CELF2: variants seen among roughly 807,000 people sequenced by gnomAD.
CELF2 encodes CUGBP Elav-like family member 2.
CELF2 carries 8 observed loss-of-function variants against 62.6 expected under a neutral mutation model. The observed-to-expected ratio is 0.13, with a 90% CI of 0.07 to 0.23. The LOEUF (loss-of-function observed/expected upper bound fraction) is 0.23. CELF2 is among the 10% of genes least tolerant of loss of function. The pLI is 1.00. For synonymous variants in CELF2, 258 were observed against 250.0 expected, an observed-to-expected ratio of 1.03 and a Z score of -0.30; for missense variants, 333 against 671.0, an observed-to-expected ratio of 0.50 and a Z score of 5.56.
chr10:10,825,403 G>T (rs540942311), intron 1 of CELF2, among the ~76,000 whole-genome samples: 2 of 151,962 alleles, frequency 1.3e-5, no homozygotes, highest in Non-Finnish European at 2.9e-5. Context: ...GTAGAGACGG[G>T]GTTTCACTGT....
chr10:11,125,325 G>A (rs898615347), intron 1 of CELF2, among the ~76,000 whole-genome samples: 1 of 152,022 alleles, frequency 6.6e-6, no homozygotes, highest in African/African-American at 2.4e-5. Context: ...CTAAACTTTT[G>A]AGAGCTAGGA....
At chr10:11,271,496 T>C (rs1011890168) in intron 7 of CELF2, among the ~76,000 whole-genome samples, 3 of 152,176 alleles carry the variant, frequency 2.0e-5, no homozygotes, top group African/African-American at 7.2e-5. Context: ...CTTGAGGGCA[T>C]CTGAATGGAG....
At position 10,939,194 on chromosome 10, in the gene CELF2, A is replaced by G. The variant is rs1274517167; in HGVS notation, c.89+19195A>G. ...ACCTAGGCTGTAGTGCTTGATAATT[A>G]GCAAGTTATCAGTGTGGCCGCTATT... On this transcript the variant is annotated intron_variant, in intron 2 of 13. Transcript: ENST00000636488. Among the ~76,000 whole-genome samples, 3 of 78,152 alleles carry G rather than the reference A, an allele frequency of 3.8e-5. 1 individual carries two copies. The allele number at this position is 78,152 out of a possible 152,430, so 51.3% of individuals were successfully genotyped here. A position where few individuals can be genotyped will look rare whatever the true frequency, so the allele number is the denominator to read the frequency against.
chr10:10,480,252 C>T, the CELF2 span, among the ~76,000 whole-genome samples: 1 of 152,166 alleles, frequency 6.6e-6, no homozygotes, highest in Non-Finnish European at 1.5e-5. Context: ...TCCAACAGGC[C>T]TCTGAGTCAT....
the CELF2 span, among the ~76,000 whole-genome samples, chr10:10,531,261 A>AT: frequency 6.6e-6 from 1 of 152,220 alleles, no homozygotes; most frequent in Admixed American, 6.5e-5. Flanking sequence ...AAGTTCAGAC[A>AT]TTTTTTAAGA....
intron 1 of CELF2, among the ~76,000 whole-genome samples, chr10:10,897,175 A>C (rs1215542902): frequency 6.6e-6 from 1 of 152,204 alleles, no homozygotes; most frequent in Non-Finnish European, 1.5e-5. Context: ...AGCATCTATC[A>C]TTTTAGAGAA....
the CELF2 span, among the ~76,000 whole-genome samples, chr10:10,663,941 T>C: frequency 6.6e-6 from 1 of 152,190 alleles, no homozygotes; most frequent in Non-Finnish European, 1.5e-5. Flanking sequence ...GAAAGAGAAA[T>C]TGACTTTGAA....
chr10:10,586,924 A>C, the CELF2 span, among the ~76,000 whole-genome samples: 3 of 152,178 alleles, frequency 2.0e-5, no homozygotes, highest in African/African-American at 7.2e-5. Flanking sequence ...CCTGCTCTGA[A>C]TGTCTAAGAC....
At chr10:10,467,560 C>T in the CELF2 span, among the ~76,000 whole-genome samples, 1 of 152,002 alleles carries the variant, frequency 6.6e-6, no homozygotes, top group African/African-American at 2.4e-5. Flanking sequence ...TCTAAGTTCT[C>T]ATTTTGATAT....
At chr10:10,624,874 CAAAG>C in the CELF2 span, among the ~76,000 whole-genome samples, 1 of 152,188 alleles carries the variant, frequency 6.6e-6, no homozygotes, top group African/African-American at 2.4e-5. Flanking sequence ...CACAGGGACA[CAAAG>C]AGGCAGATGG....
At chr10:11,047,044 G>A (rs1036269379) in intron 1 of CELF2, among the ~76,000 whole-genome samples, 8 of 152,166 alleles carry the variant, frequency 5.3e-5, no homozygotes, top group Middle Eastern at 3.4e-3. Context: ...TTGGAGGGGC[G>A]GGGGAGGTTG....
intron 1 of CELF2, among the ~76,000 whole-genome samples, chr10:11,049,035 G>C (rs2063380587): frequency 6.6e-6 from 1 of 151,650 alleles, no homozygotes; most frequent in Non-Finnish European, 1.5e-5. Flanking sequence ...GGGATCTTGG[G>C]TGTAACCTAT....
the CELF2 span, among the ~76,000 whole-genome samples, chr10:10,580,170 G>T: frequency 3.9e-5 from 6 of 152,224 alleles, no homozygotes; most frequent in Middle Eastern, 3.4e-3. Context: ...AGTTGGAAAG[G>T]TCAAGCCATT....
rs190773372 is a variant in CELF2, at chr10:10,862,925, C to A, written c.54-57039C>A. 2.6e-5 allele frequency among the ~76,000 whole-genome samples: 4 copies of A among 152,244 alleles called. No homozygotes were observed. The East Asian group carries it at 7.7e-4, about 29-fold the overall frequency. ...CTCTGTGTGGGAATAGGAATAAGGG[C>A]AGAGTAAGTGGCAACATGGAGCAAA... On this transcript the variant is annotated intron_variant, in intron 1 of 13. Transcript: ENST00000636488.
intron 1 of CELF2, among the ~76,000 whole-genome samples, chr10:10,817,187 G>T (rs1230889728): frequency 2.0e-5 from 3 of 152,046 alleles, no homozygotes; most frequent in Admixed American, 1.3e-4. Context: ...TAACATGAGG[G>T]TTTTTTTCCT....
the CELF2 span, among the ~76,000 whole-genome samples, chr10:10,706,674 A>G: frequency 6.6e-6 from 1 of 152,236 alleles, no homozygotes; most frequent in African/African-American, 2.4e-5. Context: ...TGAGCATCAT[A>G]TGGTATTAGA....
intron 2 of CELF2, among the ~76,000 whole-genome samples, chr10:10,945,848 G>T (rs1457776973): frequency 6.6e-6 from 1 of 152,186 alleles, no homozygotes; most frequent in African/African-American, 2.4e-5. Flanking sequence ...CAAATTTCTG[G>T]CTGGGTTATT....
At chr10:10,798,397 A>T (rs188496083), upstream of CELF2, 132 of 195,962 alleles carry the variant, frequency 6.7e-4, 2 homozygotes, top group Non-Finnish European at 1.7e-4. Context: ...GGTAAAGTCC[A>T]GAGGCTTCAG....
intron 1 of CELF2, among the ~76,000 whole-genome samples, chr10:10,919,347 G>T (rs542250264): frequency 6.6e-6 from 1 of 152,118 alleles, no homozygotes; most frequent in South Asian, 2.1e-4. Context: ...TTTGTCTCTG[G>T]TCATTTTTAT....
Sources: allele counts gnomAD v4.1 joint callset (sites outside exome capture counted in the v4.1 genomes callset), GRCh38; gene constraint gnomAD v4.1.1; transcripts MANE v1.5; gene names NCBI Gene and HGNC (gene_info 2026-07-23, HGNC 2026-07-21).